SELENOI: variants seen among roughly 807,000 people sequenced by gnomAD.
SELENOI encodes ethanolaminephosphotransferase 1.
In SELENOI, 24 loss-of-function variants were observed where a neutral mutation model predicts 50.7. The ratio of observed to expected loss-of-function variants is 0.47; its 90% CI spans 0.34 to 0.67. The LOEUF (loss-of-function observed/expected upper bound fraction) is 0.67, where lower values mean the gene tolerates loss of function less well. SELENOI is among the 30% of genes least tolerant of loss of function. The probability of loss-of-function intolerance (pLI) is 0.01; values close to 1 mark genes in which losing one functional copy is unlikely to be tolerated. For missense variants in SELENOI, 352 were observed against 461.4 expected (o/e 0.76, Z 2.17); for synonymous variants, 155 against 170.2 (o/e 0.91, Z 0.70).
intron 1 of SELENOI, among the ~76,000 whole-genome samples, chr2:26,347,435 TA>T (rs879372265): frequency 2.8e-3 from 390 of 138,866 alleles, no homozygotes; most frequent in Middle Eastern, 3.6e-3. Context: ...TAACTCGAGT[TA>T]AAAAAAAAAA....
intron 1 of SELENOI, among the ~76,000 whole-genome samples, chr2:26,353,744 T>C (rs1215690451): frequency 5.3e-5 from 8 of 152,230 alleles, no homozygotes; most frequent in African/African-American, 1.4e-4. Context: ...AGAAGATGGC[T>C]ACTACATTTT....
chr2:26,352,422 G>C (rs143845092), intron 1 of SELENOI, among the ~76,000 whole-genome samples: 1 of 152,302 alleles, frequency 6.6e-6, no homozygotes, highest in Admixed American at 6.5e-5. Context: ...CGTCAAAACA[G>C]GTTGACCTGC....
At chr2:26,376,115 A>T (rs113113171) in intron 6 of SELENOI, among the ~76,000 whole-genome samples, 3,617 of 151,780 alleles carry the variant, frequency 0.024, 120 homozygotes, top group African/African-American at 0.075. Context: ...AAAAAGAATA[A>T]ATAAAAAATA....
chr2:26,346,437 G>A (rs948739465), intron 1 of SELENOI, 148 bp downstream of exon 1: 23 of 985,120 alleles, frequency 2.3e-5, no homozygotes, highest in African/African-American at 3.5e-5. Flanking sequence ...CGGGTCCTGG[G>A]GATTGGGGGT....
At chr2:26,378,806 C>T (rs982658263) in intron 6 of SELENOI, among the ~76,000 whole-genome samples, 2 of 152,176 alleles carry the variant, frequency 1.3e-5, no homozygotes, top group Non-Finnish European at 2.9e-5. Context: ...TTAACAGATG[C>T]CTTCCTTCCT....
At chr2:26,377,549 T>C (rs1277672834) in intron 6 of SELENOI, among the ~76,000 whole-genome samples, 1 of 152,134 alleles carries the variant, frequency 6.6e-6, no homozygotes, top group African/African-American at 2.4e-5. Flanking sequence ...GGAGGATCAC[T>C]TGAGCCCAGG....
intron 6 of SELENOI, among the ~76,000 whole-genome samples, chr2:26,377,367 C>A (rs1229320893): frequency 6.6e-6 from 1 of 152,068 alleles, no homozygotes; most frequent in Non-Finnish European, 1.5e-5. Context: ...CGGTGGCTCA[C>A]ACCTGTAGTC....
At chr2:26,367,280 C>A in intron 4 of SELENOI, 60 bp downstream of exon 4, 1 of 1,299,278 alleles carries the variant, frequency 7.7e-7, no homozygotes, top group Non-Finnish European at 1.1e-6. Context: ...AGGATAGCCA[C>A]GTATTAAAAT....
rs1425747287 is a variant in SELENOI, at chr2:26,386,514, A to G, written c.1073A>G (p.His358Arg). ...TTAACAACTGCTTTTACTCTGGCCC[A>G]CATCCATTATGGAGTACGAGTGGTG... ...YTLTTAFTLAHIHYGVRVVKQ... is the reference protein window; with the variant it reads ...YTLTTAFTLARIHYGVRVVKQ... Residue 358 changes from histidine to arginine, a missense_variant, in exon 9 of 10, where the codon CAC (histidine) becomes CGC (arginine). Physicochemically the swap from His to Arg is conservative, Grantham distance 29. Coordinates refer to ENST00000260585, the MANE Select transcript of SELENOI (RefSeq NM_033505.4). 1.2e-6 allele frequency: 2 copies of G among 1,612,180 alleles called. No individual in the cohort carries two copies. Among genetic ancestry groups the G allele is most frequent in the Non-Finnish European group, 8.5e-7 (1 of 1,179,202 alleles).
At chr2:26,380,815 C>A (rs1053790972) in intron 6 of SELENOI, among the ~76,000 whole-genome samples, 3 of 152,066 alleles carry the variant, frequency 2.0e-5, no homozygotes, top group African/African-American at 7.2e-5. Flanking sequence ...GACTTTTTGC[C>A]AATCTGATAG....
At chr2:26,368,605 A>G (rs1039894816) in intron 4 of SELENOI, among the ~76,000 whole-genome samples, 9 of 152,190 alleles carry the variant, frequency 5.9e-5, no homozygotes, top group African/African-American at 9.7e-5. Context: ...ATGCTGCTCT[A>G]TGTCCTACTG....
intron 9 of SELENOI, among the ~76,000 whole-genome samples, chr2:26,387,589 G>C (rs1286195880): frequency 6.6e-6 from 1 of 151,438 alleles, no homozygotes; most frequent in African/African-American, 2.4e-5. Context: ...CTAGCTACTT[G>C]GAGGGCTGAG....
At position 26,388,881 on chromosome 2, in the gene SELENOI, T is replaced by C. The variant is rs181220816; in HGVS notation, c.1096-124T>C. 49 of 727,146 alleles carry C rather than the reference T, an allele frequency of 6.7e-5. No homozygotes were observed. In the African/African-American group the frequency reaches 8.0e-4, roughly 12 times the overall value. The allele number at this position is 727,146 out of a possible 1,614,324, so 45.0% of individuals were successfully genotyped here. On this transcript the variant is annotated intron_variant, in intron 9 of 9. Coordinates refer to ENST00000260585, the MANE Select transcript of SELENOI (RefSeq NM_033505.4). Reference sequence around the variant, plus strand: ...AGCTATCCTAATCCAGAAAAACCTTTTCAGTATTTCTCATGATTTTTGCCG... The same window carrying C: ...AGCTATCCTAATCCAGAAAAACCTTCTCAGTATTTCTCATGATTTTTGCCG...
intron 1 of SELENOI, among the ~76,000 whole-genome samples, chr2:26,354,287 A>G (rs941136922): frequency 6.6e-6 from 1 of 152,086 alleles, no homozygotes. Flanking sequence ...AACTCAGGCA[A>G]TCAGTCTGGA....
rs57102834 is a variant in SELENOI at position 26,381,198 on chromosome 2, C to CTTTTTTTTTTT, written c.683-2080_683-2070dup. Among the ~76,000 whole-genome samples, 17 of 30,198 alleles carry CTTTTTTTTTTT rather than the reference C, an allele frequency of 5.6e-4. 1 individual carries two copies. Among genetic ancestry groups the CTTTTTTTTTTT allele is most frequent in the African/African-American group, 2.0e-3 (11 of 5,532 alleles). 19.8% of individuals were successfully genotyped at this position (30,198 alleles called of 152,430 possible). ...TGGATTGTATCTCCTTCAGTTTGGT[C>CTTTTTTTTTTT]TTTTTTTTTTTTTTTTTTTTTTTTT... On this transcript the variant is annotated intron_variant, in intron 6 of 9. Coordinates refer to ENST00000260585, the MANE Select transcript of SELENOI (RefSeq NM_033505.4).
intron 4 of SELENOI, among the ~76,000 whole-genome samples, chr2:26,367,516 A>G (rs1328494520): frequency 5.3e-5 from 8 of 152,132 alleles, no homozygotes; most frequent in Non-Finnish European, 1.5e-5. Context: ...TTATTCCTTT[A>G]TATATTGTCT....
chr2:26,388,933 G>T (rs549008754), intron 9 of SELENOI, 72 bp from the exon 10 acceptor site: 1 of 1,182,074 alleles, frequency 8.5e-7, no homozygotes, highest in Admixed American at 2.0e-5. Context: ...TCTCTAGGGG[G>T]TAAATTCTGT....
rs1336559271 is a variant in SELENOI at position 26,391,038 on chromosome 2, C to T, written c.*1935C>T. The T allele has an allele frequency of 6.7e-6, 1 of 148,984 alleles. No homozygotes were observed. The highest frequency in any genetic ancestry group is 6.8e-5 in the Admixed American group (1 of 14,648). The allele number at this position is 148,984 out of a possible 1,614,324, so 9.2% of individuals were successfully genotyped here. A position where few individuals can be genotyped will look rare whatever the true frequency, so the allele number is the denominator to read the frequency against. On this transcript the variant is annotated 3_prime_UTR_variant, in exon 10 of 10. Coordinates refer to ENST00000260585, the MANE Select transcript of SELENOI (RefSeq NM_033505.4). Reference sequence around the variant, plus strand: ...AACTTGGACCACAGGCTTTCTTGACCTTGTACAGTATAGTAAAAATACCCT... The same window carrying T: ...AACTTGGACCACAGGCTTTCTTGACTTTGTACAGTATAGTAAAAATACCCT...
At position 26,364,847 on chromosome 2, in the gene SELENOI, C is replaced by T. The variant is rs545893128; in HGVS notation, c.142C>T (p.Leu48=). 5.6e-6 allele frequency: 9 copies of T among 1,607,268 alleles called. No individual in the cohort carries two copies. The East Asian group carries it at 1.8e-4, about 32-fold the overall frequency. The change falls in exon 3 of 10, where the codon CTG becomes TTG. Residue 48 remains leucine, a synonymous_variant. Coordinates refer to ENST00000260585, the MANE Select transcript of SELENOI (RefSeq NM_033505.4). ...GCAAAAATAGGTATTTCCTACTTGG[C>T]TGGCGCCCAATCTGATAACTTTTTC... ...NTIVKVFPTW[L]APNLITFSGF...
Sources: gnomAD v4.1 joint callset for allele counts (sites outside exome capture counted in the v4.1 genomes callset) on GRCh38, gnomAD v4.1.1 for gene constraint, MANE v1.5 for transcripts, NCBI Gene and HGNC (gene_info 2026-07-23, HGNC 2026-07-21) for gene names.